Variants in ZBTB20 observed in about 807,000 individuals in gnomAD.
ZBTB20 encodes the protein zinc finger and BTB domain containing 20, also known as zinc finger and BTB domain-containing protein 20.
ZBTB20 carries 9 observed loss-of-function variants against 56.9 expected under a neutral mutation model. That is an observed-to-expected ratio of 0.16 (90% CI 0.10 to 0.28). The LOEUF is 0.28. Among genes scored for constraint, ZBTB20 ranks in the 10% least tolerant of loss-of-function variants. The pLI, the probability that ZBTB20 is intolerant of heterozygous loss-of-function variation, is 1.00. For missense variants in ZBTB20, 655 were observed against 1,003.0 expected, an observed-to-expected ratio of 0.65 and a Z score of 4.69; for synonymous variants, 417 against 420.7, an observed-to-expected ratio of 0.99 and a Z score of 0.11.
intron 6 of ZBTB20, among the ~76,000 whole-genome samples, chr3:114,670,642 G>A (rs2061314935): frequency 6.6e-6 from 1 of 152,092 alleles, no homozygotes; most frequent in Admixed American, 6.6e-5. Flanking sequence ...TAGAAAGCAG[G>A]AATGTTCTGG....
At chr3:114,487,822 T>C (rs559616364) in intron 7 of ZBTB20, among the ~76,000 whole-genome samples, 20 of 152,326 alleles carry the variant, frequency 1.3e-4, no homozygotes, top group African/African-American at 2.9e-4. Context: ...GTAATACACA[T>C]GGGAATCAGA....
chr3:114,806,563 C>A lies in ZBTB20; in HGVS notation c.-416-5389G>T, dbSNP rs560781158. On this transcript the variant is annotated intron_variant, in intron 4 of 11. Transcript: ENST00000675478. ...CTGTCTTTGGTTTGTCATTTCATTT[C>A]TTTAATGGGTCTTTTGAAGTGCAAA... 5.3e-5 allele frequency among the ~76,000 whole-genome samples: 8 copies of A among 151,962 alleles called. No homozygotes were observed. In the South Asian group the frequency reaches 1.5e-3, roughly 28 times the overall value.
At chr3:114,894,848 C>G (rs1470940788) in intron 4 of ZBTB20, among the ~76,000 whole-genome samples, 1 of 152,104 alleles carries the variant, frequency 6.6e-6, no homozygotes, top group Non-Finnish European at 1.5e-5. Context: ...ATATTCCCAA[C>G]TAAATAAAAA....
At chr3:114,473,666 T>A (rs1201618403) in intron 7 of ZBTB20, among the ~76,000 whole-genome samples, 1 of 152,094 alleles carries the variant, frequency 6.6e-6, no homozygotes, top group Non-Finnish European at 1.5e-5. Flanking sequence ...CCCCTGTCTC[T>A]AAAAAATAAA....
intron 7 of ZBTB20, among the ~76,000 whole-genome samples, chr3:114,455,463 T>C (rs1202868733): frequency 6.6e-6 from 1 of 152,174 alleles, no homozygotes; most frequent in African/African-American, 2.4e-5. Flanking sequence ...TCTAGTTTTA[T>C]GAACCATAGA....
chr3:114,598,862 T>C (rs117591461), intron 6 of ZBTB20, among the ~76,000 whole-genome samples: 2 of 152,232 alleles, frequency 1.3e-5, no homozygotes, highest in East Asian at 3.9e-4. Flanking sequence ...TGTAATTCTC[T>C]GACCCAACAA....
chr3:114,941,278 T>C lies in ZBTB20; in HGVS notation c.-456+33088A>G, dbSNP rs896422166. 1.6e-4 allele frequency among the ~76,000 whole-genome samples: 23 copies of C among 146,210 alleles called. 5 individuals are homozygous for C. The highest frequency in any genetic ancestry group is 6.1e-4 in the African/African-American group (22 of 35,922). ...ACTACTCTTCATTTAGTTCTTATAA[T>C]GACTTTGAGAAACTAACATAAATGT... On this transcript the variant is annotated intron_variant, in intron 3 of 11. Coordinates refer to ENST00000675478, the MANE Select transcript of ZBTB20 (RefSeq NM_001348800.3).
At chr3:114,503,382 T>C (rs555043055) in intron 6 of ZBTB20, among the ~76,000 whole-genome samples, 87 of 152,340 alleles carry the variant, frequency 5.7e-4, no homozygotes, top group African/African-American at 1.9e-3. Context: ...ACACAATTCA[T>C]AAATGTTCAT....
At chr3:114,768,804 A>C in intron 5 of ZBTB20, among the ~76,000 whole-genome samples, 1 of 152,166 alleles carries the variant, frequency 6.6e-6, no homozygotes, top group East Asian at 1.9e-4. Flanking sequence ...CAAACGATTA[A>C]ATGACTTCAT....
At position 114,743,136 on chromosome 3, in the gene ZBTB20, A is replaced by C. The variant is rs147707020; in HGVS notation, c.-342-49561T>G. Among the ~76,000 whole-genome samples the C allele has an allele frequency of 1.5e-4, 23 of 152,296 alleles. No homozygotes were observed. The East Asian group carries it at 2.1e-3, about 14-fold the overall frequency. On this transcript the variant is annotated intron_variant, in intron 5 of 11. Transcript: ENST00000675478. ...GAGAAACCTGTTCATATCTATGTAC[A>C]GGCTATGATGAATGAATACAAAGAA... is the stretch of plus-strand genomic sequence containing the variant.
At chr3:114,427,083 C>T (rs1260911140) in intron 7 of ZBTB20, among the ~76,000 whole-genome samples, 1 of 152,054 alleles carries the variant, frequency 6.6e-6, no homozygotes, top group East Asian at 1.9e-4. Context: ...GAGGAGGAAC[C>T]ATCTTAAACA....
chr3:114,834,025 C>A lies in ZBTB20; in HGVS notation c.-416-32851G>T, dbSNP rs1232846777. Among the ~76,000 whole-genome samples the A allele has an allele frequency of 2.6e-5, 4 of 151,996 alleles. No homozygotes were observed. In the East Asian group the frequency reaches 5.8e-4, roughly 22 times the overall value. ...CAAAGCAATCTCACTAACTAATGTA[C>A]GTATTAGATTGCACTGATATAGTAA... On this transcript the variant is annotated intron_variant, in intron 4 of 11. Transcript: ENST00000675478.
chr3:114,610,622 A>G (rs1003920342), intron 6 of ZBTB20, among the ~76,000 whole-genome samples: 2 of 152,194 alleles, frequency 1.3e-5, no homozygotes, highest in Admixed American at 6.5e-5. Flanking sequence ...GGTATTTTCC[A>G]CATTAGAAAC....
chr3:115,034,722 T>C (rs2080843692), intron 2 of ZBTB20, among the ~76,000 whole-genome samples: 1 of 151,820 alleles, frequency 6.6e-6, no homozygotes. Flanking sequence ...GAAAAACTCA[T>C]CCCAAAATTC....
At chr3:114,777,045 C>T (rs552081463) in intron 5 of ZBTB20, among the ~76,000 whole-genome samples, 4 of 152,202 alleles carry the variant, frequency 2.6e-5, no homozygotes, top group East Asian at 1.9e-4. Context: ...ACTTTAGTGA[C>T]ATTTGATTTG....
chr3:114,590,420 C>G (rs554618351), intron 6 of ZBTB20, among the ~76,000 whole-genome samples: 2 of 150,544 alleles, frequency 1.3e-5, no homozygotes, highest in Admixed American at 6.6e-5. Flanking sequence ...CCACTGCACT[C>G]CAGCCTGCAG....
At chr3:114,492,565 T>G (rs1296332748) in intron 7 of ZBTB20, among the ~76,000 whole-genome samples, 1 of 152,198 alleles carries the variant, frequency 6.6e-6, no homozygotes, top group African/African-American at 2.4e-5. Flanking sequence ...TTCCTCCCAT[T>G]TCCACTGTCA....
intron 2 of ZBTB20, among the ~76,000 whole-genome samples, chr3:114,998,215 C>T (rs2079103956): frequency 6.6e-6 from 1 of 151,572 alleles, no homozygotes; most frequent in Non-Finnish European, 1.5e-5. Flanking sequence ...GGAAGTTGAC[C>T]TAGTACAATA....
intron 1 of ZBTB20, among the ~76,000 whole-genome samples, chr3:115,134,914 C>G (rs1354154971): frequency 1.3e-5 from 2 of 152,230 alleles, no homozygotes; most frequent in East Asian, 1.9e-4. Context: ...GGACAAAGAG[C>G]TCTGTTGTCC....
Sources: gnomAD v4.1 joint callset for allele counts (sites outside exome capture counted in the v4.1 genomes callset) on GRCh38, gnomAD v4.1.1 for gene constraint, MANE v1.5 for transcripts, NCBI Gene and HGNC (gene_info 2026-07-23, HGNC 2026-07-21) for gene names.